The following CCDC57 variants were observed in gnomAD, a reference collection of about 807,000 sequenced individuals.
The protein encoded by CCDC57 is coiled-coil domain-containing protein 57.
Under a neutral mutation model 118.9 loss-of-function variants are expected in CCDC57, and 118 were observed. The ratio of observed to expected loss-of-function variants is 0.99; its 90% confidence interval spans 0.86 to 1.16. The LOEUF (loss-of-function observed/expected upper bound fraction) is 1.16. CCDC57 is among the 50% of genes most tolerant of loss of function. The pLI is 0.00. For missense variants in CCDC57, 1,300 were observed against 1,320.7 expected (o/e 0.98, Z 0.24); for synonymous variants, 527 against 532.9 (o/e 0.99, Z 0.15).
chr17:82,127,965 G>A lies in CCDC57; in HGVS notation c.2683-57C>T. The stretch of plus-strand genomic sequence containing the variant: ...CCTCTCCAACCCAGAGGAAGCCACA[G>A]GACTCCCCCCAACCACTCCCCTCGG... On this transcript the variant is annotated intron_variant, in intron 18 of 19. Transcript: ENST00000665763. The A allele has an allele frequency of 3.1e-6, 5 of 1,592,106 alleles. No homozygotes were observed. The East Asian group carries it at 1.1e-4, about 36-fold the overall frequency.
intron 19 of CCDC57, among the ~76,000 whole-genome samples, chr17:82,114,782 C>G (rs1302966173): frequency 6.6e-6 from 1 of 152,242 alleles, no homozygotes; most frequent in African/African-American, 2.4e-5. Context: ...TGGAGGGCCA[C>G]CTGTGGGGCA....
At chr17:82,134,268 C>G (rs1024230401) in intron 16 of CCDC57, 74 bp from the exon 16 acceptor site, 15 of 1,246,936 alleles carry the variant, frequency 1.2e-5, no homozygotes, top group East Asian at 3.2e-5. Flanking sequence ...AATGCAAACA[C>G]TCAGAAAGAA....
intron 14 of CCDC57, among the ~76,000 whole-genome samples, chr17:82,159,605 C>G (rs919241399): frequency 6.6e-6 from 1 of 152,042 alleles, no homozygotes. Context: ...TTTAGCCCTT[C>G]CAGTGTGGGC....
intron 16 of CCDC57, among the ~76,000 whole-genome samples, chr17:82,148,237 G>A (rs574367698): frequency 6.7e-6 from 1 of 149,502 alleles, no homozygotes; most frequent in East Asian, 2.0e-4. Context: ...TGGGTGGGTA[G>A]ATGGGTAGAT....
At position 82,183,055 on chromosome 17, in the gene CCDC57, T is replaced by C. The variant is rs557842592; in HGVS notation, c.1211+719A>G. On this transcript the variant is annotated intron_variant, in intron 9 of 19. Coordinates refer to ENST00000665763, the Ensembl canonical transcript of CCDC57. ...CACAGCATCGGGGAAACCGCCCCCA[T>C]GAGCCAATCACCTCCCATCAGGGTC... is the stretch of plus-strand genomic sequence containing the variant. 4.6e-5 allele frequency among the ~76,000 whole-genome samples: 7 copies of C among 152,314 alleles called. No individual in the cohort carries two copies. In the East Asian group the frequency reaches 1.3e-3, roughly 29 times the overall value.
intron 3 of CCDC57, among the ~76,000 whole-genome samples, chr17:82,199,476 T>TA (rs2048729206): frequency 2.4e-5 from 1 of 41,382 alleles, no homozygotes. Flanking sequence ...AGACTCTGTC[T>TA]CAAAAAAAAA....
chr17:82,209,525 C>T (rs556670816), intron 1 of CCDC57, among the ~76,000 whole-genome samples: 25 of 152,222 alleles, frequency 1.6e-4, no homozygotes, highest in South Asian at 4.1e-4. Context: ...CTCTGTCACC[C>T]GAGCTGCAGT....
chr17:82,107,583 G>A (rs187725755), intron 19 of CCDC57: 115 of 470,882 alleles, frequency 2.4e-4, no homozygotes, highest in Non-Finnish European at 3.3e-4. Flanking sequence ...GAGGATGGGC[G>A]GATGGAGTTG....
At chr17:82,209,874 T>A (rs976091204) in intron 1 of CCDC57, among the ~76,000 whole-genome samples, 4 of 152,192 alleles carry the variant, frequency 2.6e-5, no homozygotes, top group African/African-American at 9.7e-5. Context: ...CTCTATCCAT[T>A]AAGAAAGCCA....
chr17:82,196,011 G>T (rs188324541), intron 4 of CCDC57, among the ~76,000 whole-genome samples: 1 of 152,178 alleles, frequency 6.6e-6, no homozygotes, highest in Non-Finnish European at 1.5e-5. Flanking sequence ...CTCCCTGAAC[G>T]AGCCCTGCTG....
In CCDC57 at chr17:82,195,210, C is replaced by G. The variant is rs2048154401; in HGVS notation, c.618+53G>C. The G allele has an allele frequency of 8.8e-6, 12 of 1,362,406 alleles. No individual in the cohort carries two copies. In the South Asian group the frequency reaches 1.0e-4, roughly 11 times the overall value. 84.4% of individuals were successfully genotyped at this position (1,362,406 alleles called of 1,614,324 possible). On this transcript the variant is annotated intron_variant, in intron 5 of 19. Transcript: ENST00000665763. ...AGATGACAGGTGTGAGCCACCACAC[C>G]TGACCAAGGAAAAACCGAAAAACCT...
At chr17:82,146,291 G>C (rs1314441366) in intron 16 of CCDC57, among the ~76,000 whole-genome samples, 1 of 152,194 alleles carries the variant, frequency 6.6e-6, no homozygotes, top group African/African-American at 2.4e-5. Flanking sequence ...TTATGAACCG[G>C]ATAAGTGATC....
chr17:82,181,699 A>C (rs1323257684), intron 9 of CCDC57, among the ~76,000 whole-genome samples: 1 of 152,286 alleles, frequency 6.6e-6, no homozygotes, highest in Non-Finnish European at 1.5e-5. Context: ...TCAGAGATTT[A>C]AAGGCAACCG....
rs1023306478 is a variant in CCDC57 at position 82,212,796 on chromosome 17, C to G, written c.-222G>C. The G allele has an allele frequency of 7.3e-6, 1 of 136,496 alleles. No individual in the cohort carries two copies. The highest frequency in any genetic ancestry group is 1.6e-5 in the Non-Finnish European group (1 of 63,212). 8.5% of individuals were successfully genotyped at this position (136,496 alleles called of 1,614,324 possible). ...CGCCCGCACCTCACCCTAACGCCCG[C>G]CAGCAGCGCTGGCCAGGTCCCGCCG... On this transcript the variant is annotated 5_prime_UTR_variant, in exon 1 of 20. Transcript: ENST00000665763. This position sits in a 1 kb window ranked among gnomAD's most constrained non-coding sequence, Gnocchi z 4.1.
rs1438602211 is a variant in CCDC57, at chr17:82,108,880, G to A, written c.2900-7014C>T. ...GGGCAGCGTGGGGCGGGGCAGGCCG[G>A]GTGTGTCTGTGGGGAGTGGGCGCGT... On this transcript the variant is annotated intron_variant, in intron 19 of 19. Transcript: ENST00000665763. 4 of 152,182 alleles carry A rather than the reference G, an allele frequency of 2.6e-5. 1 individual carries two copies. In the East Asian group the frequency reaches 7.7e-4, roughly 29 times the overall value. The allele number at this position is 152,182 out of a possible 1,614,324, so 9.4% of individuals were successfully genotyped here.
At chr17:82,179,087 T>C in exon 10 of CCDC57, 1 of 1,613,958 alleles carries the variant, frequency 6.2e-7, no homozygotes, top group Non-Finnish European at 8.5e-7. Flanking sequence ...TCTGGTCCCT[T>C]TCAATGTCAT....
chr17:82,151,867 TC>T, intron 15 of CCDC57, 94 bp from the exon 15 acceptor site: 1 of 1,089,586 alleles, frequency 9.2e-7, no homozygotes, highest in Non-Finnish European at 1.3e-6. Flanking sequence ...CACCTGCTCT[TC>T]CAGGGTGGGC....
intron 11 of CCDC57, among the ~76,000 whole-genome samples, chr17:82,173,809 C>T (rs114372346): frequency 9.3e-5 from 13 of 139,040 alleles, no homozygotes; most frequent in African/African-American, 2.9e-4. Context: ...GGGAGGACAA[C>T]GAGGTGAGGT....
chr17:82,169,933 C>A (rs1176581051), intron 13 of CCDC57, among the ~76,000 whole-genome samples: 1 of 152,110 alleles, frequency 6.6e-6, no homozygotes, highest in East Asian at 1.9e-4. Context: ...AAGATATTTG[C>A]AACACATATA....
Sources: allele counts gnomAD v4.1 joint callset (sites outside exome capture counted in the v4.1 genomes callset), GRCh38; gene constraint gnomAD v4.1.1; non-coding constraint Gnocchi (gnomAD v3.1); transcripts MANE v1.5; gene names NCBI Gene and HGNC (gene_info 2026-07-23, HGNC 2026-07-21).